Variants in THSD7A observed in about 807,000 individuals in gnomAD.
THSD7A encodes thrombospondin type-1 domain-containing protein 7A.
THSD7A carries 96 observed loss-of-function variants against 231.3 expected under a neutral mutation model. The ratio of observed to expected loss-of-function variants is 0.41; its 90% CI spans 0.35 to 0.49. THSD7A has a LOEUF of 0.49. Ranked by LOEUF, THSD7A falls within the 20% of genes least tolerant of loss-of-function variation. The probability of loss-of-function intolerance (pLI) is 0.05; values close to 1 mark genes in which losing one functional copy is unlikely to be tolerated. For synonymous variants in THSD7A, 940 were observed against 743.3 expected, an observed-to-expected ratio of 1.26 and a Z score of -4.30; for missense variants, 2,290 against 2,070.2, an observed-to-expected ratio of 1.11 and a Z score of -2.06.
intron 1 of THSD7A, among the ~76,000 whole-genome samples, chr7:11,755,984 G>T (rs1782662299): frequency 6.6e-6 from 1 of 152,026 alleles, no homozygotes; most frequent in Admixed American, 6.6e-5. Flanking sequence ...CAATTTTCAT[G>T]TGCACTTATA....
At chr7:11,609,434 A>G (rs920802491) in intron 2 of THSD7A, among the ~76,000 whole-genome samples, 1 of 152,166 alleles carries the variant, frequency 6.6e-6, no homozygotes, top group Non-Finnish European at 1.5e-5. Context: ...GACCCACTTT[A>G]ACAGTAATCT....
intron 2 of THSD7A, among the ~76,000 whole-genome samples, chr7:11,627,921 A>G (rs751797413): frequency 6.6e-6 from 1 of 152,090 alleles, no homozygotes; most frequent in Admixed American, 6.6e-5. Flanking sequence ...AAAATAAAAT[A>G]CTGTATATAA....
intron 11 of THSD7A, among the ~76,000 whole-genome samples, chr7:11,459,208 T>A (rs1785412507): frequency 6.6e-6 from 1 of 152,152 alleles, no homozygotes; most frequent in Non-Finnish European, 1.5e-5. Flanking sequence ...TCTTTTTTTT[T>A]AATCTAAATA....
chr7:11,809,937 A>G (rs926071121), intron 1 of THSD7A, among the ~76,000 whole-genome samples: 1 of 152,126 alleles, frequency 6.6e-6, no homozygotes, highest in Admixed American at 6.6e-5. Flanking sequence ...TTCTAGAACA[A>G]TGGGCTGTAT....
At chr7:11,563,875 G>A (rs1188488147) in intron 4 of THSD7A, among the ~76,000 whole-genome samples, 1 of 152,074 alleles carries the variant, frequency 6.6e-6, no homozygotes. Flanking sequence ...CTCTTTGCAC[G>A]TGTTCATGCT....
chr7:11,548,393 T>A (rs1789487238), intron 4 of THSD7A, among the ~76,000 whole-genome samples: 1 of 151,998 alleles, frequency 6.6e-6, no homozygotes, highest in Non-Finnish European at 1.5e-5. Context: ...CAAAAGGGCT[T>A]GGAGTAGACA....
intron 4 of THSD7A, among the ~76,000 whole-genome samples, chr7:11,546,380 T>TAC (rs1789400924): frequency 6.6e-6 from 1 of 152,128 alleles, no homozygotes; most frequent in Non-Finnish European, 1.5e-5. Flanking sequence ...GCCCTTGCAG[T>TAC]ACAGCAGGTG....
chr7:11,742,671 G>T (rs1782152964), intron 1 of THSD7A, among the ~76,000 whole-genome samples: 1 of 151,902 alleles, frequency 6.6e-6, no homozygotes. Flanking sequence ...TGCACTTGCA[G>T]TGATTGCCAA....
At chr7:11,735,564 G>GTAAA (rs1019729579) in intron 1 of THSD7A, among the ~76,000 whole-genome samples, 1 of 96,736 alleles carries the variant, frequency 1.0e-5, no homozygotes, top group African/African-American at 7.1e-5. Flanking sequence ...TTATGTATAT[G>GTAAA]TATTTCAAAA....
chr7:11,736,453 CTGTGTGTGTG>C (rs61483307), intron 1 of THSD7A, among the ~76,000 whole-genome samples: 5 of 143,530 alleles, frequency 3.5e-5, no homozygotes, highest in East Asian at 4.0e-4. Context: ...ACAGCAGACT[CTGTGTGTGTG>C]TGTGTGTGTG....
intron 13 of THSD7A, among the ~76,000 whole-genome samples, chr7:11,435,062 C>T (rs950881108): frequency 6.6e-6 from 1 of 151,716 alleles, no homozygotes; most frequent in African/African-American, 2.4e-5. Context: ...TTCATATCTG[C>T]TAAGTATTTA....
chr7:11,491,537 G>A (rs2128307668), intron 6 of THSD7A, among the ~76,000 whole-genome samples: 1 of 152,114 alleles, frequency 6.6e-6, no homozygotes, highest in African/African-American at 2.4e-5. Flanking sequence ...AAAAACAAAT[G>A]TTTTCTGGAA....
At chr7:11,493,500 G>A (rs1786981681) in intron 6 of THSD7A, among the ~76,000 whole-genome samples, 1 of 152,010 alleles carries the variant, frequency 6.6e-6, no homozygotes, top group African/African-American at 2.4e-5. Flanking sequence ...ATTTTTAAAG[G>A]TCCCTAATGC....
At chr7:11,518,873 G>C (rs1429336426) in intron 6 of THSD7A, among the ~76,000 whole-genome samples, 3 of 152,050 alleles carry the variant, frequency 2.0e-5, no homozygotes, top group Non-Finnish European at 4.4e-5. Flanking sequence ...GGATCATATA[G>C]AAACATATTT....
intron 19 of THSD7A, among the ~76,000 whole-genome samples, chr7:11,410,718 T>C (rs1293190764): frequency 6.6e-6 from 1 of 152,014 alleles, no homozygotes; most frequent in Non-Finnish European, 1.5e-5. Flanking sequence ...TTCCTCTGTT[T>C]GAATTTCAGG....
chr7:11,744,603 C>T (rs1782221001), intron 1 of THSD7A, among the ~76,000 whole-genome samples: 1 of 122,792 alleles, frequency 8.1e-6, no homozygotes. Flanking sequence ...TCCCCCCACC[C>T]CACAACAGGC....
In THSD7A at chr7:11,406,308, G is replaced by A; in HGVS notation, c.4229C>T (p.Pro1410Leu). The A allele has an allele frequency of 1.2e-6, 2 of 1,608,476 alleles. No homozygotes were observed. Among genetic ancestry groups the A allele is most frequent in the South Asian group, 1.1e-5 (1 of 89,884 alleles). ...TCCTTTGCCGTTGTTACCTGGGCAA[G>A]GCTGGCTGCAGGATTCCTCCAGAAC... Reference protein sequence around the residue: ...NMVLEESCSQPCPGDCYLKDW... With the variant: ...NMVLEESCSQLCPGDCYLKDW... Residue 1410 changes from proline to leucine, a missense_variant, in exon 22 of 28, where the codon CCT (proline) becomes CTT (leucine). Coordinates refer to ENST00000423059, the MANE Select transcript of THSD7A (RefSeq NM_015204.3). This position sits in a 1 kb window ranked among gnomAD's most constrained non-coding sequence, Gnocchi z 4.7.
rs1782557762 is a variant in THSD7A at position 11,382,505 on chromosome 7, G to A, written c.4507+16C>T. 1.3e-6 allele frequency: 2 copies of A among 1,596,346 alleles called. No individual in the cohort carries two copies. The highest frequency in any genetic ancestry group is 1.3e-5 in the African/African-American group (1 of 74,548). ...CAGGAAGATTTTCAAAGGACAAAGA[G>A]AAACTGGAGGTTTACCTGTTACATT... On this transcript the variant is annotated intron_variant, in intron 24 of 27. Transcript: ENST00000423059.
At chr7:11,569,992 C>A (rs1197664863) in intron 4 of THSD7A, among the ~76,000 whole-genome samples, 1 of 151,806 alleles carries the variant, frequency 6.6e-6, no homozygotes, top group Non-Finnish European at 1.5e-5. Flanking sequence ...GGAAACATGG[C>A]AAAACCCCCT....
Sources: gnomAD v4.1 joint callset for allele counts (sites outside exome capture counted in the v4.1 genomes callset) on GRCh38, gnomAD v4.1.1 for gene constraint, Gnocchi (gnomAD v3.1) non-coding constraint, MANE v1.5 for transcripts, NCBI Gene and HGNC (gene_info 2026-07-23, HGNC 2026-07-21) for gene names.